CACNA2D3: variants seen among roughly 807,000 people sequenced by gnomAD.
CACNA2D3 encodes voltage-dependent calcium channel subunit alpha-2/delta-3.
Under a neutral mutation model 160.6 loss-of-function variants are expected in CACNA2D3, and 60 were observed. That is an observed-to-expected ratio of 0.37 (90% CI 0.30 to 0.46). The LOEUF is 0.46. Ranked by LOEUF, CACNA2D3 falls within the 20% of genes least tolerant of loss-of-function variation. The probability of loss-of-function intolerance (pLI) is 1.00; values close to 1 mark genes in which losing one functional copy is unlikely to be tolerated. For missense variants in CACNA2D3, 1,205 were observed against 1,365.0 expected (o/e 0.88, Z 1.85); for synonymous variants, 558 against 492.9 (o/e 1.13, Z -1.75).
chr3:54,648,989 T>C lies in CACNA2D3; in HGVS notation c.1167+6748T>C, dbSNP rs1305977999. Among the ~76,000 whole-genome samples the C allele has an allele frequency of 3.3e-5, 5 of 152,166 alleles. No homozygotes were observed. In the East Asian group the frequency reaches 7.7e-4, roughly 23 times the overall value. On this transcript the variant is annotated intron_variant, in intron 11 of 37. Transcript: ENST00000474759. Reference sequence around the variant, plus strand: ...CTCCCACCAGGTCCCACGTCCAACATTGGTGGTCAAATTCCAACATGAGAT... The same window carrying C: ...CTCCCACCAGGTCCCACGTCCAACACTGGTGGTCAAATTCCAACATGAGAT...
intron 4 of CACNA2D3, among the ~76,000 whole-genome samples, chr3:54,439,395 T>G (rs1700109505): frequency 6.6e-6 from 1 of 152,020 alleles, no homozygotes; most frequent in Non-Finnish European, 1.5e-5. Context: ...TCAGGCCTCC[T>G]GAGGGCTTCG....
chr3:54,792,510 C>T (rs890032412), intron 13 of CACNA2D3, among the ~76,000 whole-genome samples: 3 of 152,122 alleles, frequency 2.0e-5, no homozygotes, highest in African/African-American at 7.2e-5. Flanking sequence ...GTGTGGCTAG[C>T]TCTAGGTGGC....
At chr3:54,904,251 C>T (rs1231620555) in intron 27 of CACNA2D3, among the ~76,000 whole-genome samples, 1 of 152,164 alleles carries the variant, frequency 6.6e-6, no homozygotes, top group Non-Finnish European at 1.5e-5. Context: ...TTACTTTGTT[C>T]TCCCTGGAGA....
At chr3:54,911,159 A>C (rs35371261) in intron 27 of CACNA2D3, among the ~76,000 whole-genome samples, 5 of 152,146 alleles carry the variant, frequency 3.3e-5, no homozygotes. Flanking sequence ...TTAATATAGC[A>C]ATACAATTAC....
chr3:54,147,893 G>A (rs977281646), intron 2 of CACNA2D3, among the ~76,000 whole-genome samples: 6 of 152,136 alleles, frequency 3.9e-5, no homozygotes, highest in Admixed American at 2.0e-4. Context: ...CACAACCTCC[G>A]CCTCCTGGGT....
At chr3:54,263,552 G>A (rs1037639647) in intron 2 of CACNA2D3, among the ~76,000 whole-genome samples, 1 of 152,162 alleles carries the variant, frequency 6.6e-6, no homozygotes, top group Non-Finnish European at 1.5e-5. Context: ...CCCAAGATCT[G>A]TTGGTTCTCT....
At chr3:54,210,635 C>T (rs4928010) in intron 2 of CACNA2D3, among the ~76,000 whole-genome samples, 102,971 of 151,980 alleles carry the variant, frequency 0.68, 35,968 homozygotes, top group East Asian at 1. Flanking sequence ...GAAATGCGGG[C>T]CATCATGTCC....
chr3:54,801,580 T>A (rs1702988695), intron 13 of CACNA2D3, among the ~76,000 whole-genome samples: 1 of 152,136 alleles, frequency 6.6e-6, no homozygotes, highest in African/African-American at 2.4e-5. Flanking sequence ...AATTTAAATA[T>A]CATAAAGTGA....
rs369010117 is a variant in CACNA2D3 at position 54,837,110 on chromosome 3, T to C, written c.1399-49T>C. The stretch of plus-strand genomic sequence containing the variant: ...TTGTCAAGGGGGTGGCCTCCAGAAC[T>C]GTGGTTTCCAGACCGTTCCCCGGTA... On this transcript the variant is annotated intron_variant, in intron 14 of 37. Coordinates refer to ENST00000474759, the MANE Select transcript of CACNA2D3 (RefSeq NM_018398.3). 644 of 1,541,732 alleles carry C rather than the reference T, an allele frequency of 4.2e-4. 3 individuals carry two copies. The African/African-American group carries it at 7.4e-3, about 18-fold the overall frequency.
intron 4 of CACNA2D3, among the ~76,000 whole-genome samples, chr3:54,492,688 T>G (rs952584430): frequency 6.6e-6 from 1 of 152,202 alleles, no homozygotes; most frequent in Non-Finnish European, 1.5e-5. Context: ...TTCAAACACT[T>G]TAACTTAGAA....
chr3:54,184,196 A>G (rs1700837088), intron 2 of CACNA2D3, among the ~76,000 whole-genome samples: 1 of 152,204 alleles, frequency 6.6e-6, no homozygotes, highest in East Asian at 1.9e-4. Context: ...GATTGGGGAA[A>G]GCTGGAGCCC....
At chr3:54,468,747 G>T (rs1356135205) in intron 4 of CACNA2D3, among the ~76,000 whole-genome samples, 1 of 152,146 alleles carries the variant, frequency 6.6e-6, no homozygotes, top group Non-Finnish European at 1.5e-5. Flanking sequence ...GTGGGGGGAG[G>T]TGCGTCTGCC....
At chr3:55,043,808 T>C (rs1704014395) in intron 35 of CACNA2D3, among the ~76,000 whole-genome samples, 1 of 152,210 alleles carries the variant, frequency 6.6e-6, no homozygotes, top group African/African-American at 2.4e-5. Context: ...TGGAATTAAT[T>C]TTTATACATG....
chr3:54,879,169 A>G (rs1000965555), intron 19 of CACNA2D3, 80 bp downstream of exon 19: 1 of 988,686 alleles, frequency 1.0e-6, no homozygotes, highest in African/African-American at 1.6e-5. Flanking sequence ...CTATATCTGG[A>G]ATAAATATCT....
rs1338617031 is a variant in CACNA2D3 at position 54,687,115 on chromosome 3, C to CTT, written c.1167+44878_1167+44879dup. 7.1e-4 allele frequency among the ~76,000 whole-genome samples: 29 copies of CTT among 40,876 alleles called. 1 individual carries two copies. The highest frequency in any genetic ancestry group is 1.2e-3 in the Non-Finnish European group (24 of 19,632). The allele number at this position is 40,876 out of a possible 152,430, so 26.8% of individuals were successfully genotyped here. ...TTATTCAAATCGGATTTTTCTTTTTCTTTTTCTTTTTTTTTTTTTGTTTTT... is the reference window on the plus strand; with the variant it reads ...TTATTCAAATCGGATTTTTCTTTTTCTTTTTTTCTTTTTTTTTTTTTGTTTTT... On this transcript the variant is annotated intron_variant, in intron 11 of 37. Coordinates refer to ENST00000474759, the MANE Select transcript of CACNA2D3 (RefSeq NM_018398.3).
chr3:54,729,781 C>T (rs887268298), intron 11 of CACNA2D3, among the ~76,000 whole-genome samples: 1 of 151,962 alleles, frequency 6.6e-6, no homozygotes, highest in Admixed American at 6.6e-5. Context: ...GGGTGGATCA[C>T]GAGGTCAGGA....
chr3:54,180,860 G>A (rs1016484508), intron 2 of CACNA2D3, among the ~76,000 whole-genome samples: 10 of 152,140 alleles, frequency 6.6e-5, no homozygotes, highest in Non-Finnish European at 1.2e-4. Context: ...AGCTTTTGAG[G>A]GTAAGGGCTG....
intron 31 of CACNA2D3, among the ~76,000 whole-genome samples, chr3:54,992,931 G>A (rs1338287111): frequency 1.3e-5 from 2 of 152,196 alleles, no homozygotes; most frequent in Non-Finnish European, 2.9e-5. Context: ...TGAAGGAGAA[G>A]CAGGCATGTC....
At position 54,588,576 on chromosome 3, in the gene CACNA2D3, T is replaced by A. The variant is rs1329905178; in HGVS notation, c.963+6699T>A. On this transcript the variant is annotated intron_variant, in intron 9 of 37. Transcript: ENST00000474759. ...CAAAGAATCTACACACAAAAAAATT[T>A]CCTAGAACTAATAAGAGAGCTCAGT... Among the ~76,000 whole-genome samples the A allele has an allele frequency of 3.3e-5, 5 of 152,074 alleles. No individual in the cohort carries two copies. In the East Asian group the frequency reaches 9.6e-4, roughly 29 times the overall value.
Sources: gnomAD v4.1 joint callset for allele counts (sites outside exome capture counted in the v4.1 genomes callset) on GRCh38, gnomAD v4.1.1 for gene constraint, MANE v1.5 for transcripts, NCBI Gene and HGNC (gene_info 2026-07-23, HGNC 2026-07-21) for gene names.